Variants in KLHL6 observed in about 807,000 individuals in gnomAD.
KLHL6 encodes the protein kelch like family member 6.
In KLHL6, 41 loss-of-function variants were observed where a neutral mutation model predicts 58.6. That is an observed-to-expected ratio of 0.70 (90% CI 0.55 to 0.91). KLHL6 has a LOEUF of 0.91. Among genes scored for constraint, KLHL6 ranks in the 40% least tolerant of loss-of-function variants. KLHL6 has a pLI of 0.00. For synonymous variants in KLHL6, 338 were observed against 322.7 expected (o/e 1.05, Z -0.51); for missense variants, 714 against 805.6 (o/e 0.89, Z 1.38).
chr3:183,525,899 C>G (rs1258695201), intron 2 of KLHL6, among the ~76,000 whole-genome samples: 1 of 152,210 alleles, frequency 6.6e-6, no homozygotes, highest in Non-Finnish European at 1.5e-5. Context: ...CATATAGAGA[C>G]TGCTATATGC....
intron 3 of KLHL6, among the ~76,000 whole-genome samples, chr3:183,500,084 A>G (rs1328297860): frequency 1.3e-5 from 2 of 152,222 alleles, no homozygotes; most frequent in African/African-American, 2.4e-5. Flanking sequence ...ACAGGTACTC[A>G]ATACATGTTG....
chr3:183,495,711 A>G (rs1717696049), intron 4 of KLHL6, among the ~76,000 whole-genome samples: 1 of 152,180 alleles, frequency 6.6e-6, no homozygotes, highest in Admixed American at 6.5e-5. Context: ...ACTTGATGAG[A>G]TAATTCTAAA....
intron 1 of KLHL6, among the ~76,000 whole-genome samples, chr3:183,540,283 G>C (rs987912008): frequency 2.0e-5 from 3 of 152,188 alleles, no homozygotes; most frequent in African/African-American, 7.2e-5. Flanking sequence ...CCTCATGTGT[G>C]AATACATTCC....
chr3:183,498,850 C>T (rs73070582), intron 4 of KLHL6, among the ~76,000 whole-genome samples: 2,560 of 152,220 alleles, frequency 0.017, 64 homozygotes, highest in African/African-American at 0.058. Context: ...AAGTATTGGG[C>T]CCTACTGAAC....
chr3:183,547,490 CT>C (rs1313832610), intron 1 of KLHL6, among the ~76,000 whole-genome samples: 2 of 152,150 alleles, frequency 1.3e-5, no homozygotes, highest in African/African-American at 4.8e-5. Context: ...TTGCATCTTG[CT>C]TTGCCCCCTG....
At chr3:183,518,673 GAC>G (rs1711637783) in intron 2 of KLHL6, among the ~76,000 whole-genome samples, 1 of 152,182 alleles carries the variant, frequency 6.6e-6, no homozygotes, top group African/African-American at 2.4e-5. Context: ...TTTCTAAATA[GAC>G]TTTCAGAACT....
intron 2 of KLHL6, among the ~76,000 whole-genome samples, chr3:183,523,756 G>C (rs1282734784): frequency 6.6e-6 from 1 of 151,336 alleles, no homozygotes; most frequent in Non-Finnish European, 1.5e-5. Context: ...CATTTCATGA[G>C]GTGTTTTGTT....
At chr3:183,530,485 C>CA (rs1712120699) in intron 1 of KLHL6, among the ~76,000 whole-genome samples, 1 of 152,094 alleles carries the variant, frequency 6.6e-6, no homozygotes, top group Admixed American at 6.6e-5. Context: ...TACGTCTGAG[C>CA]AAAGCATGGA....
chr3:183,499,739 A>G lies in KLHL6; in HGVS notation c.998T>C (p.Phe333Ser). 1 of 1,610,734 alleles carries G rather than the reference A, an allele frequency of 6.2e-7. No individual in the cohort carries two copies. Among genetic ancestry groups the G allele is most frequent in the South Asian group, 1.1e-5 (1 of 89,898 alleles). ...GTCCAGGCAGGTCACCTCTGCCACA[A>G]ACCGTTCATCCTTCGTGCAGCCGCC... is the stretch of plus-strand genomic sequence containing the variant. ...IIGGCTKDER[F>S]VAEVTCLDPL... The change falls in exon 4 of 7, where the codon TTT becomes TCT. Residue 333 changes from phenylalanine to serine, a missense_variant. Around this residue, in one of 2 missense-constraint regions of KLHL6, gnomAD observed 510 missense variants for 629.7 expected, o/e 0.81. Coordinates refer to ENST00000341319, the MANE Select transcript of KLHL6 (RefSeq NM_130446.4). This position sits in a 1 kb window ranked among gnomAD's most constrained non-coding sequence, Gnocchi z 4.6.
At chr3:183,553,068 G>A (rs57709771) in intron 1 of KLHL6, among the ~76,000 whole-genome samples, 14,837 of 152,118 alleles carry the variant, frequency 0.098, 1,080 homozygotes, top group African/African-American at 0.21. Flanking sequence ...CCGGAAGAAA[G>A]AATCCTGTCT....
At chr3:183,530,938 T>G (rs975416605) in intron 1 of KLHL6, among the ~76,000 whole-genome samples, 6 of 151,502 alleles carry the variant, frequency 4.0e-5, no homozygotes, top group Admixed American at 4.0e-4. Context: ...TTCAAGTGAT[T>G]CTCCTGCCTT....
intron 2 of KLHL6, chr3:183,521,518 TCACTCTGAGG>T (rs1187446820): frequency 6.6e-6 from 1 of 152,196 alleles, no homozygotes; most frequent in East Asian, 1.9e-4. Flanking sequence ...GTTTCAGGCG[TCACTCTGAGG>T]CATGGACAGA....
intron 2 of KLHL6, among the ~76,000 whole-genome samples, chr3:183,513,636 A>G (rs1303813761): frequency 6.6e-6 from 1 of 152,214 alleles, no homozygotes. Context: ...AGAAGCATTG[A>G]TCTTCACTCC....
At chr3:183,530,905 C>G (rs1712135002) in intron 1 of KLHL6, among the ~76,000 whole-genome samples, 1 of 149,656 alleles carries the variant, frequency 6.7e-6, no homozygotes. Context: ...CATCTCGGCT[C>G]ACTGCAACCT....
rs374328090 is a variant in KLHL6, at chr3:183,555,668, C to T, written c.-15G>A. ...GCCATCAACATCGAGACTGAAGGAGCGCCCAAGTGTCAGGCAGGCCCCATT... is the reference window on the plus strand; with the variant it reads ...GCCATCAACATCGAGACTGAAGGAGTGCCCAAGTGTCAGGCAGGCCCCATT... On this transcript the variant is annotated 5_prime_UTR_variant, in exon 1 of 7. Transcript: ENST00000341319. The T allele has an allele frequency of 2.2e-5, 34 of 1,563,932 alleles. No individual in the cohort carries two copies. The highest frequency in any genetic ancestry group is 4.8e-5 in the South Asian group (4 of 83,326).
rs549482638 is a variant in KLHL6, at chr3:183,498,239, A to G, written c.1147+1351T>C. Among the ~76,000 whole-genome samples, 110 of 152,340 alleles carry G rather than the reference A, an allele frequency of 7.2e-4. 1 individual carries two copies. The highest frequency in any genetic ancestry group is 3.4e-3 in the Middle Eastern group (1 of 294). On this transcript the variant is annotated intron_variant, in intron 4 of 6. Transcript: ENST00000341319. ...ACAGAGCTAGACTCTGTCTCAAAAAAATAAAAAATAAAATAAAATAAACGT... is the reference window on the plus strand; with the variant it reads ...ACAGAGCTAGACTCTGTCTCAAAAAGATAAAAAATAAAATAAAATAAACGT...
chr3:183,541,190 T>A (rs566878577), intron 1 of KLHL6, among the ~76,000 whole-genome samples: 1 of 152,308 alleles, frequency 6.6e-6, no homozygotes, highest in East Asian at 1.9e-4. Flanking sequence ...ATAAAAGGTA[T>A]CCCTTGTGAC....
chr3:183,525,827 C>T (rs973920226), intron 2 of KLHL6, among the ~76,000 whole-genome samples: 9 of 152,304 alleles, frequency 5.9e-5, no homozygotes, highest in African/African-American at 2.2e-4. Context: ...AGATGCGAAA[C>T]AGGATGTATA....
In KLHL6 at chr3:183,552,012, CA is replaced by C. The variant is rs377406156; in HGVS notation, c.293+3348del. The C allele has an allele frequency of 3.0e-4, 46 of 152,174 alleles. No homozygotes were observed. The East Asian group carries it at 8.3e-3, about 27-fold the overall frequency. The allele number at this position is 152,174 out of a possible 1,614,324, so 9.4% of individuals were successfully genotyped here. Reference sequence around the variant, plus strand: ...GATCTTACTAAAAATAAGAAAAATGCAAATTAAAGCTAAATTGAGATATTCT... The same window carrying C: ...GATCTTACTAAAAATAAGAAAAATGCAATTAAAGCTAAATTGAGATATTCT... On this transcript the variant is annotated intron_variant, in intron 1 of 6. Transcript: ENST00000341319.
Sources: allele counts gnomAD v4.1 joint callset (sites outside exome capture counted in the v4.1 genomes callset), GRCh38; gene constraint gnomAD v4.1.1; regional missense constraint gnomAD v4.1.1; non-coding constraint Gnocchi (gnomAD v3.1); transcripts MANE v1.5; gene names NCBI Gene and HGNC (gene_info 2026-07-23, HGNC 2026-07-21).